SPAG9: variants seen among roughly 807,000 people sequenced by gnomAD.
SPAG9 encodes C-Jun-amino-terminal kinase-interacting protein 4.
SPAG9 carries 35 observed loss-of-function variants against 166.5 expected under a neutral mutation model. That is an observed-to-expected ratio of 0.21 (90% CI 0.16 to 0.28). SPAG9 has a LOEUF of 0.28. Ranked by LOEUF, SPAG9 falls within the 10% of genes least tolerant of loss-of-function variation. The pLI is 1.00. For synonymous variants in SPAG9, 534 were observed against 565.5 expected (o/e 0.94, Z 0.79); for missense variants, 1,235 against 1,603.3 (o/e 0.77, Z 3.92).
At chr17:51,004,857 C>T (rs1193059880) in intron 12 of SPAG9, among the ~76,000 whole-genome samples, 1 of 152,186 alleles carries the variant, frequency 6.6e-6, no homozygotes, top group Non-Finnish European at 1.5e-5. Flanking sequence ...CTTTTTAATA[C>T]TGTTAAATAA....
chr17:51,012,105 C>A (rs182096353), intron 9 of SPAG9, among the ~76,000 whole-genome samples: 27 of 152,270 alleles, frequency 1.8e-4, no homozygotes, highest in African/African-American at 6.5e-4. Flanking sequence ...AATTTTACTG[C>A]ACTGAATATA....
At position 50,974,854 on chromosome 17, in the gene SPAG9, A is replaced by G. The variant is rs367670166; in HGVS notation, c.3617T>C (p.Phe1206Ser). 1.1e-5 allele frequency: 17 copies of G among 1,612,134 alleles called. No homozygotes were observed. Among genetic ancestry groups the G allele is most frequent in the Non-Finnish European group, 1.4e-5 (16 of 1,179,676 alleles). Residue 1206 changes from phenylalanine to serine, a missense_variant, in exon 28 of 30, where the codon TTT (phenylalanine) becomes TCT (serine). Physicochemically the swap from Phe to Ser is radical, Grantham distance 155. Transcript: ENST00000262013. Reference protein sequence around the residue: ...ENSDKVTPGTFIPYCSMAHAQ... With the variant: ...ENSDKVTPGTSIPYCSMAHAQ... ...ATGTGCCATTGAACAATAGGGTATA[A>G]ATGTCCCTGGAGTCACTTTATCACT...
At position 50,990,480 on chromosome 17, in the gene SPAG9, C is replaced by T. The variant is rs777710453; in HGVS notation, c.2587G>A (p.Gly863Ser). Residue 863 changes from glycine (G) to serine (S), a missense_variant, in exon 20 of 30, where the codon GGT becomes AGT. Physicochemically the swap from Gly to Ser is moderately conservative, Grantham distance 56. This residue lies in a region of SPAG9 where 493 missense variants were observed against 559.4 expected (regional missense o/e 0.88). Coordinates refer to ENST00000262013, the MANE Select transcript of SPAG9 (RefSeq NM_001130528.3). ...TGAATSPSTN[G>S]ASPVMDKPPE... Reference sequence around the variant, plus strand: ...GGTTTATCCATCACTGGAGAAGCACCATTTGTACTAGGGGAAGTGGCAGCT... The same window carrying T: ...GGTTTATCCATCACTGGAGAAGCACTATTTGTACTAGGGGAAGTGGCAGCT... The T allele has an allele frequency of 1.4e-5, 23 of 1,613,960 alleles. No individual in the cohort carries two copies. The South Asian group carries it at 2.0e-4, about 14-fold the overall frequency.
intron 1 of SPAG9, among the ~76,000 whole-genome samples, chr17:51,082,397 A>C (rs1391018415): frequency 1.3e-5 from 2 of 151,304 alleles, no homozygotes; most frequent in South Asian, 2.1e-4. Flanking sequence ...AAAAAAAAAA[A>C]AAAAAAACCT....
intron 18 of SPAG9, among the ~76,000 whole-genome samples, chr17:50,994,330 C>A (rs1342430158): frequency 6.6e-6 from 1 of 152,166 alleles, no homozygotes; most frequent in Non-Finnish European, 1.5e-5. Flanking sequence ...ATTCTGAGGC[C>A]TCCCCAGAGG....
intron 29 of SPAG9, among the ~76,000 whole-genome samples, chr17:50,969,378 C>T (rs941579049): frequency 6.6e-6 from 1 of 152,116 alleles, no homozygotes; most frequent in Non-Finnish European, 1.5e-5. Flanking sequence ...AGCTCTATGG[C>T]CCATTCTCTC....
At chr17:51,020,663 G>A (rs1470762784) in intron 7 of SPAG9, among the ~76,000 whole-genome samples, 2 of 152,088 alleles carry the variant, frequency 1.3e-5, no homozygotes, top group Non-Finnish European at 2.9e-5. Flanking sequence ...TTCTCTCCAA[G>A]ACTATTTAAA....
chr17:50,976,831 A>G (rs1477795224), intron 27 of SPAG9: 2 of 288,260 alleles, frequency 6.9e-6, no homozygotes, highest in Non-Finnish European at 1.3e-5. Context: ...GGCTTAAGAA[A>G]AATGGACTTT....
chr17:51,026,285 CCAGGAGA>C (rs2046164684), intron 6 of SPAG9, among the ~76,000 whole-genome samples: 1 of 139,554 alleles, frequency 7.2e-6, no homozygotes. Context: ...AATAAAATAA[CCAGGAGA>C]CAGTCTAGAT....
chr17:51,067,347 C>A (rs1185507399), intron 2 of SPAG9, among the ~76,000 whole-genome samples: 1 of 151,850 alleles, frequency 6.6e-6, no homozygotes, highest in African/African-American at 2.4e-5. Context: ...CTGAATGCCA[C>A]TAAGGAATCA....
At chr17:51,115,078 A>C (rs1194137390) in intron 1 of SPAG9, among the ~76,000 whole-genome samples, 2 of 152,228 alleles carry the variant, frequency 1.3e-5, no homozygotes, top group African/African-American at 4.8e-5. Flanking sequence ...AGAAGTGTCA[A>C]AAGTCTCCAT....
At chr17:51,081,906 C>T (rs2048175074) in intron 1 of SPAG9, among the ~76,000 whole-genome samples, 1 of 152,158 alleles carries the variant, frequency 6.6e-6, no homozygotes, top group African/African-American at 2.4e-5. Context: ...CCTTCCCATT[C>T]TCTGATTCAA....
At chr17:51,022,131 A>AG (rs2045963241) in intron 6 of SPAG9, among the ~76,000 whole-genome samples, 1 of 151,544 alleles carries the variant, frequency 6.6e-6, no homozygotes, top group Non-Finnish European at 1.5e-5. Flanking sequence ...TCAAAAAAAA[A>AG]AAAAAAAAAA....
chr17:51,007,105 A>G (rs2045254987), intron 10 of SPAG9, among the ~76,000 whole-genome samples, 164 bp downstream of exon 10: 1 of 147,356 alleles, frequency 6.8e-6, no homozygotes, highest in Admixed American at 6.7e-5. Context: ...AGGTCCCAAC[A>G]TTAGGGTGTG....
At chr17:51,020,511 C>T (rs900430777) in intron 7 of SPAG9, among the ~76,000 whole-genome samples, 1 of 152,090 alleles carries the variant, frequency 6.6e-6, no homozygotes, top group Non-Finnish European at 1.5e-5. Context: ...GTATCCAAGG[C>T]CCTGCTTTCA....
chr17:51,077,945 C>T (rs1266636040), intron 2 of SPAG9, among the ~76,000 whole-genome samples: 5 of 151,936 alleles, frequency 3.3e-5, no homozygotes, highest in African/African-American at 4.8e-5. Flanking sequence ...TGAATCACCG[C>T]GTCTGGCCTC....
At chr17:51,113,079 C>T (rs548585346) in intron 1 of SPAG9, among the ~76,000 whole-genome samples, 2 of 151,906 alleles carry the variant, frequency 1.3e-5, no homozygotes, top group South Asian at 2.1e-4. Context: ...CGCTGCCGGG[C>T]GTGGTGGCTC....
At chr17:51,115,192 GT>G (rs1342409706) in intron 1 of SPAG9, among the ~76,000 whole-genome samples, 1 of 152,036 alleles carries the variant, frequency 6.6e-6, no homozygotes, top group Admixed American at 6.6e-5. Context: ...TCATCCTATT[GT>G]TTTGTTTTTT....
At position 50,974,926 on chromosome 17, in the gene SPAG9, G is replaced by C. The variant is rs927822389; in HGVS notation, c.3545C>G (p.Pro1182Arg). Residue 1182 changes from proline (P) to arginine (R), a missense_variant, in exon 28 of 30, where the codon CCA becomes CGA. Around this residue, in one of 6 missense-constraint regions of SPAG9, gnomAD observed 243 missense variants for 358.6 expected, o/e 0.68. Transcript: ENST00000262013. The stretch of plus-strand genomic sequence containing the variant: ...GATTACACTTCCAGGACGATTTCCT[G>C]GTACACCTGAGGTTTTATTTGCTGC... The part of the protein sequence containing the change: ...LTETNKTSGV[P>R]GNRPGSVIRV... The C allele has an allele frequency of 3.1e-6, 5 of 1,608,624 alleles. No individual in the cohort carries two copies. Among genetic ancestry groups the C allele is most frequent in the Non-Finnish European group, 4.2e-6 (5 of 1,178,554 alleles).
Sources: gnomAD v4.1 joint callset for allele counts (sites outside exome capture counted in the v4.1 genomes callset) on GRCh38, gnomAD v4.1.1 for gene constraint, gnomAD v4.1.1 regional missense constraint, MANE v1.5 for transcripts, NCBI Gene and HGNC (gene_info 2026-07-23, HGNC 2026-07-21) for gene names.